Variants in JRK observed in about 807,000 individuals in gnomAD.
JRK encodes the protein jerky protein homolog.
For missense variants in JRK, 720 were observed against 509.2 expected, an observed-to-expected ratio of 1.41 and a Z score of -3.98; for synonymous variants, 303 against 218.1, an observed-to-expected ratio of 1.39 and a Z score of -3.43.
Position 142,664,535 on chromosome 8 carries a change from AC to A in JRK, c.1523del (p.Ser508MetfsTer21). Reference sequence around the variant, plus strand: ...CCCGCAGCTGCCCCACTTCCTGCGCACTGAAGCATGGCTGCCGCTCCGCAAA... The same window carrying A: ...CCCGCAGCTGCCCCACTTCCTGCGCATGAAGCATGGCTGCCGCTCCGCAAA... The part of the protein sequence containing the change: ...LRFAERQPCF[S>X]AQEVGQLRAL... On this transcript the variant is annotated frameshift_variant, in exon 2 of 2. Coordinates refer to ENST00000612905, the MANE Select transcript of JRK (RefSeq NM_003724.4). LOFTEE classifies it low-confidence loss of function (END_TRUNC). 6.2e-7 allele frequency: 1 copy of A among 1,608,488 alleles called. No homozygotes were observed. Among genetic ancestry groups the A allele is most frequent in the African/African-American group, 1.3e-5 (1 of 74,932 alleles).
At chr8:142,644,387 T>C in the JRK span, among the ~76,000 whole-genome samples, 8 of 152,156 alleles carry the variant, frequency 5.3e-5, 1 homozygote, top group East Asian at 3.9e-4. Context: ...ATCAGAATTA[T>C]AGAAGTTTCC....
downstream of JRK, among the ~76,000 whole-genome samples, chr8:142,654,183 C>G (rs1237983887): frequency 6.6e-6 from 1 of 152,118 alleles, no homozygotes; most frequent in East Asian, 1.9e-4. Flanking sequence ...TGTGGCCCAG[C>G]CCAGAGCACC....
In JRK at chr8:142,665,497, C is replaced by T. The variant is rs1307251980; in HGVS notation, c.562G>A (p.Glu188Lys). Residue 188 changes from glutamate (E) to lysine (K), a missense_variant, in exon 2 of 2, where the codon GAG (glutamate) becomes AAG (lysine). By Grantham distance (56) the Glu-to-Lys change is moderately conservative. Coordinates refer to ENST00000612905, the MANE Select transcript of JRK (RefSeq NM_003724.4). ...AGGCACCGCCAGAAAAGGCCGGTCT[C>T]ATCAGCGTTGTAAACCTGCTCGGCG... ...LSAEQVYNADETGLFWRCLPN... is the reference protein window; with the variant it reads ...LSAEQVYNADKTGLFWRCLPN... 2 of 718,136 alleles carry T rather than the reference C, an allele frequency of 2.8e-6. No homozygotes were observed. Among genetic ancestry groups the T allele is most frequent in the Admixed American group, 2.0e-5 (1 of 50,008 alleles). The allele number at this position is 718,136 out of a possible 1,614,324, so 44.5% of individuals were successfully genotyped here.
At chr8:142,651,721 C>T in the JRK span, among the ~76,000 whole-genome samples, 1 of 152,096 alleles carries the variant, frequency 6.6e-6, no homozygotes, top group Non-Finnish European at 1.5e-5. Flanking sequence ...GCAAAACAAA[C>T]AATTGCACAA....
chr8:142,649,927 G>C, the JRK span, among the ~76,000 whole-genome samples: 1 of 152,348 alleles, frequency 6.6e-6, no homozygotes, highest in East Asian at 1.9e-4. Flanking sequence ...CCGTGTGCCT[G>C]GAAAAGACAC....
In JRK at chr8:142,664,683, G is replaced by C; in HGVS notation, c.1376C>G (p.Ala459Gly). Residue 459 changes from alanine to glycine, a missense_variant, in exon 2 of 2, where the codon GCA becomes GGA. By Grantham distance (60) the Ala-to-Gly change is moderately conservative. Transcript: ENST00000612905. ...CTTTTCTGAACTCCACACAACCTCT[G>C]CTGGCGACGTGGCAGCAGGGGGCCG... ...GGRPPAATSPAEVVWSSEKTP... is the reference protein window; with the variant it reads ...GGRPPAATSPGEVVWSSEKTP... 6.2e-7 allele frequency: 1 copy of C among 1,610,910 alleles called. No homozygotes were observed. The highest frequency in any genetic ancestry group is 8.5e-7 in the Non-Finnish European group (1 of 1,178,974).
chr8:142,667,920 G>A (rs587599944), intron 1 of JRK, among the ~76,000 whole-genome samples: 20 of 152,356 alleles, frequency 1.3e-4, no homozygotes, highest in African/African-American at 4.1e-4. Flanking sequence ...CACAGAGGGC[G>A]CACCCCTGTG....
the JRK span, among the ~76,000 whole-genome samples, chr8:142,645,690 AATAT>A: frequency 3.4e-5 from 5 of 148,066 alleles, no homozygotes; most frequent in East Asian, 2.0e-4. Context: ...AGAAAAAAAA[AATAT>A]ATATATACAT....
In JRK at chr8:142,658,663, C is replaced by A; in HGVS notation, c.*5689G>T. Reference sequence around the variant, plus strand: ...CCTAGTCACCTCCCAAAGGCCCCACCTCCTAATACCACCCTCCTGGGGGTC... The same window carrying A: ...CCTAGTCACCTCCCAAAGGCCCCACATCCTAATACCACCCTCCTGGGGGTC... On this transcript the variant is annotated 3_prime_UTR_variant, in exon 2 of 2. Transcript: ENST00000612905. The A allele has an allele frequency of 1.0e-6, 1 of 987,452 alleles. No homozygotes were observed. The highest frequency in any genetic ancestry group is 1.4e-6 in the Non-Finnish European group (1 of 718,322). The allele number at this position is 987,452 out of a possible 1,614,324, so 61.2% of individuals were successfully genotyped here.
the JRK span, among the ~76,000 whole-genome samples, chr8:142,650,893 T>G: frequency 1.3e-4 from 20 of 152,212 alleles, no homozygotes. Flanking sequence ...GTTTAAGGAC[T>G]GAAACAAACT....
At chr8:142,667,471 ACAGC>A (rs1257307850) in intron 1 of JRK, among the ~76,000 whole-genome samples, 4 of 134,356 alleles carry the variant, frequency 3.0e-5, no homozygotes, top group African/African-American at 1.0e-4. Context: ...ACACACACAC[ACAGC>A]CACCCAACCT....
At position 142,659,802 on chromosome 8, in the gene JRK, C is replaced by A. The variant is rs1351078990; in HGVS notation, c.*4550G>T. 5 of 985,468 alleles carry A rather than the reference C, an allele frequency of 5.1e-6. No individual in the cohort carries two copies. In the African/African-American group the frequency reaches 8.7e-5, roughly 17 times the overall value. The allele number at this position is 985,468 out of a possible 1,614,324, so 61.0% of individuals were successfully genotyped here. ...AGAACGTGAGGCTGGTCATTAGGAG[C>A]AGGTAGCCCTGGGTCTCCCTCTGCC... On this transcript the variant is annotated 3_prime_UTR_variant, in exon 2 of 2. Transcript: ENST00000612905.
Position 142,660,886 on chromosome 8 carries a change from A to C in JRK, c.*3466T>G, listed in dbSNP as rs2129709690. 1 of 985,526 alleles carries C rather than the reference A, an allele frequency of 1.0e-6. No individual in the cohort carries two copies. The highest frequency in any genetic ancestry group is 1.2e-6 in the Non-Finnish European group (1 of 830,068). 61.0% of individuals were successfully genotyped at this position (985,526 alleles called of 1,614,324 possible). A position where few individuals can be genotyped will look rare whatever the true frequency, so the allele number is the denominator to read the frequency against. Reference sequence around the variant, plus strand: ...TCCACAAGCACATCCAGCCACTGGGACCCTGAACCTCCTCCAAATGGACTT... The same window carrying C: ...TCCACAAGCACATCCAGCCACTGGGCCCCTGAACCTCCTCCAAATGGACTT... On this transcript the variant is annotated 3_prime_UTR_variant, in exon 2 of 2. Coordinates refer to ENST00000612905, the MANE Select transcript of JRK (RefSeq NM_003724.4).
intron 1 of JRK, among the ~76,000 whole-genome samples, chr8:142,668,743 T>C (rs1319496855): frequency 6.6e-6 from 1 of 151,480 alleles, no homozygotes; most frequent in Non-Finnish European, 1.5e-5. Context: ...AATTTTATTT[T>C]TAAAGGAAGT....
intron 1 of JRK, among the ~76,000 whole-genome samples, chr8:142,667,557 A>T (rs868992427): frequency 4.6e-5 from 7 of 152,274 alleles, no homozygotes; most frequent in Middle Eastern, 3.4e-3. Flanking sequence ...AGCATTTGCT[A>T]ATTTGGGAGG....
chr8:142,666,869 G>T (rs1847143508), intron 1 of JRK, among the ~76,000 whole-genome samples: 1 of 152,176 alleles, frequency 6.6e-6, no homozygotes, highest in Admixed American at 6.5e-5. Context: ...TCCGATGCTG[G>T]GCGGACCCAA....
At chr8:142,668,871 T>C (rs1847218516) in intron 1 of JRK, among the ~76,000 whole-genome samples, 1 of 151,560 alleles carries the variant, frequency 6.6e-6, no homozygotes, top group Non-Finnish European at 1.5e-5. Context: ...CTGAGTCTCC[T>C]CCAGGACGCT....
At position 142,662,720 on chromosome 8, in the gene JRK, A is replaced by G; in HGVS notation, c.*1632T>C. ...AAAGTACGAGAAACCACAGCGAGCC[A>G]AATCCTCTCCTTCATGAGAACAGAG... On this transcript the variant is annotated 3_prime_UTR_variant, in exon 2 of 2. Transcript: ENST00000612905. 1 of 985,502 alleles carries G rather than the reference A, an allele frequency of 1.0e-6. No homozygotes were observed. The highest frequency in any genetic ancestry group is 4.7e-5 in the South Asian group (1 of 21,292). The allele number at this position is 985,502 out of a possible 1,614,324, so 61.0% of individuals were successfully genotyped here.
chr8:142,652,491 T>C (rs1846684480), downstream of JRK, among the ~76,000 whole-genome samples: 3 of 152,170 alleles, frequency 2.0e-5, no homozygotes, highest in African/African-American at 7.2e-5. Flanking sequence ...AGACAAATGG[T>C]TGCATTCTTT....
Sources: gnomAD v4.1 joint callset for allele counts (sites outside exome capture counted in the v4.1 genomes callset) on GRCh38, gnomAD v4.1.1 for gene constraint, MANE v1.5 for transcripts, NCBI Gene and HGNC (gene_info 2026-07-23, HGNC 2026-07-21) for gene names.